The following NBAS variants were observed in gnomAD, a reference collection of about 807,000 sequenced individuals.
The protein encoded by NBAS is NAG/BC035112 fusion.
A neutral mutation model predicts 302.5 loss-of-function variants in NBAS; 219 were observed. The ratio of observed to expected loss-of-function variants is 0.72; its 90% CI spans 0.65 to 0.81. The LOEUF is 0.81. Among genes scored for constraint, NBAS ranks in the 30% least tolerant of loss-of-function variants. The probability of loss-of-function intolerance (pLI) is 0.00; values close to 1 mark genes in which losing one functional copy is unlikely to be tolerated. For missense variants in NBAS, 2,932 were observed against 2,841.6 expected, an observed-to-expected ratio of 1.03 and a Z score of -0.72; for synonymous variants, 1,118 against 1,021.6, an observed-to-expected ratio of 1.09 and a Z score of -1.80.
chr2:15,081,764 G>T, the NBAS span, among the ~76,000 whole-genome samples: 2 of 152,280 alleles, frequency 1.3e-5, no homozygotes, highest in East Asian at 3.9e-4. Context: ...GTCAACCCAG[G>T]TGTGACTCAG....
intron 32 of NBAS, among the ~76,000 whole-genome samples, chr2:15,366,335 A>G (rs1674195863): frequency 6.6e-6 from 1 of 152,158 alleles, no homozygotes; most frequent in African/African-American, 2.4e-5. Context: ...ATATTGGCAC[A>G]TTTTTATAAC....
the NBAS span, among the ~76,000 whole-genome samples, chr2:15,126,114 G>A: frequency 5.9e-5 from 9 of 152,088 alleles, no homozygotes; most frequent in Admixed American, 4.6e-4. Context: ...CCATTCCCTT[G>A]GTGACGAGTG....
intron 30 of NBAS, among the ~76,000 whole-genome samples, chr2:15,375,518 C>T (rs4668444): frequency 0.57 from 87,058 of 151,920 alleles, 26,453 homozygotes; most frequent in Non-Finnish European, 0.68. Context: ...GTGACAGATA[C>T]AGGCCAAGCC....
At chr2:15,219,936 G>A (rs1255369703) in intron 47 of NBAS, among the ~76,000 whole-genome samples, 14 of 147,016 alleles carry the variant, frequency 9.5e-5, no homozygotes, top group African/African-American at 3.5e-4. Context: ...CGGATGGGGC[G>A]GCTGGCCGGG....
intron 27 of NBAS, among the ~76,000 whole-genome samples, chr2:15,394,894 T>C (rs1675794848): frequency 6.6e-6 from 1 of 152,048 alleles, no homozygotes; most frequent in South Asian, 2.1e-4. Flanking sequence ...ATCATCAACA[T>C]CATATAAATA....
chr2:14,881,389 T>C, the NBAS span, among the ~76,000 whole-genome samples: 1 of 151,898 alleles, frequency 6.6e-6, no homozygotes, highest in African/African-American at 2.4e-5. Flanking sequence ...AAGGGAAGGG[T>C]TCAAAAATTA....
At chr2:15,441,614 C>A (rs1322527294) in intron 21 of NBAS, among the ~76,000 whole-genome samples, 1 of 150,508 alleles carries the variant, frequency 6.6e-6, no homozygotes, top group Non-Finnish European at 1.5e-5. Context: ...AGCAAAATAA[C>A]CAGCTAACAT....
At chr2:14,934,465 A>G in the NBAS span, among the ~76,000 whole-genome samples, 1 of 152,080 alleles carries the variant, frequency 6.6e-6, no homozygotes, top group Non-Finnish European at 1.5e-5. Flanking sequence ...CTATAAGTCT[A>G]TTGAGTCCGT....
intron 22 of NBAS, among the ~76,000 whole-genome samples, chr2:15,424,910 C>T (rs913191920): frequency 4.6e-5 from 7 of 152,008 alleles, no homozygotes; most frequent in Admixed American, 4.6e-4. Flanking sequence ...ATCTTGTTTT[C>T]GATGTTCATA....
At chr2:15,073,233 C>G in the NBAS span, among the ~76,000 whole-genome samples, 3 of 152,004 alleles carry the variant, frequency 2.0e-5, no homozygotes, top group African/African-American at 4.8e-5. Context: ...AATCCCAACA[C>G]TTTGGGAAGC....
At chr2:15,249,169 T>C (rs961273797) in intron 44 of NBAS, among the ~76,000 whole-genome samples, 2 of 152,144 alleles carry the variant, frequency 1.3e-5, no homozygotes, top group East Asian at 3.9e-4. Flanking sequence ...CATACTCAAA[T>C]CAATAAACGT....
chr2:15,516,750 G>A (rs1247381679), intron 9 of NBAS, among the ~76,000 whole-genome samples: 2 of 147,654 alleles, frequency 1.4e-5, no homozygotes, highest in African/African-American at 5.2e-5. Flanking sequence ...AAAAGACTGG[G>A]AGAAGTTATT....
chr2:14,964,300 G>A, the NBAS span, among the ~76,000 whole-genome samples: 1 of 152,080 alleles, frequency 6.6e-6, no homozygotes, highest in Non-Finnish European at 1.5e-5. Context: ...TAAAAAGTTA[G>A]AGACATAAAC....
chr2:15,539,253 G>T lies in NBAS; in HGVS notation c.483C>A (p.Leu161=). The change falls in exon 7 of 52, where the codon CTC becomes CTA. Residue 161 remains leucine, a synonymous_variant. Transcript: ENST00000281513. ...ESTGTVRVFD[L]MGSELFVISP... is the part of the protein sequence containing the mutation. ...AAATGACAAAGAGTTCACTTCCCAT[G>T]AGATCAAACACCCTCACAGTTCCTG... 1 of 1,614,184 alleles carries T rather than the reference G, an allele frequency of 6.2e-7. No homozygotes were observed. The highest frequency in any genetic ancestry group is 8.5e-7 in the Non-Finnish European group (1 of 1,180,032).
chr2:15,184,482 C>T (rs1382048451), intron 50 of NBAS, among the ~76,000 whole-genome samples: 2 of 151,608 alleles, frequency 1.3e-5, no homozygotes, highest in Non-Finnish European at 2.9e-5. Flanking sequence ...TACAGTGACG[C>T]ATCATCATAA....
At chr2:14,844,010 T>C in the NBAS span, among the ~76,000 whole-genome samples, 2 of 152,106 alleles carry the variant, frequency 1.3e-5, no homozygotes, top group South Asian at 2.1e-4. Context: ...TAGGGCTGAA[T>C]TGGGCTCAGA....
At chr2:15,009,012 C>G in the NBAS span, among the ~76,000 whole-genome samples, 1 of 152,162 alleles carries the variant, frequency 6.6e-6, no homozygotes, top group Non-Finnish European at 1.5e-5. Context: ...CAGTGACAAT[C>G]AGAATCAGCC....
At chr2:14,981,658 G>A in the NBAS span, among the ~76,000 whole-genome samples, 198 of 152,322 alleles carry the variant, frequency 1.3e-3, 2 homozygotes, top group African/African-American at 4.6e-3. Context: ...TGGGGCAGAC[G>A]TGACTTGTGT....
intron 34 of NBAS, 23 bp from the exon 35 acceptor site, chr2:15,352,104 T>G: frequency 6.6e-7 from 1 of 1,521,236 alleles, no homozygotes; most frequent in South Asian, 1.1e-5. Context: ...TAGGCTATAT[T>G]GTAAAGGAGT....
Sources: gnomAD v4.1 joint callset for allele counts (sites outside exome capture counted in the v4.1 genomes callset) on GRCh38, gnomAD v4.1.1 for gene constraint, MANE v1.5 for transcripts, NCBI Gene and HGNC (gene_info 2026-07-23, HGNC 2026-07-21) for gene names.